The following PACRG variants were observed in gnomAD, a reference collection of about 807,000 sequenced individuals.
The protein encoded by PACRG is parkin coregulated gene protein.
Under a neutral mutation model 29.7 loss-of-function variants are expected in PACRG, and 29 were observed. The ratio of observed to expected loss-of-function variants is 0.98; its 90% CI spans 0.73 to 1.33. The LOEUF (loss-of-function observed/expected upper bound fraction) is 1.33, where lower values mean the gene tolerates loss of function less well. Ranked by LOEUF, PACRG falls within the 40% of genes most tolerant of loss-of-function variation. The pLI is 0.00. For missense variants in PACRG, 279 were observed against 316.2 expected (o/e 0.88, Z 0.89); for synonymous variants, 116 against 118.7 (o/e 0.98, Z 0.15).
rs902458387 is a variant in PACRG, at chr6:162,777,727, A to G, written c.157-36420A>G. 6.6e-6 allele frequency among the ~76,000 whole-genome samples: 1 copy of G among 152,142 alleles called. No individual in the cohort carries two copies. Among genetic ancestry groups the G allele is most frequent in the African/African-American group, 2.4e-5 (1 of 41,430 alleles). ...GATGCATTTAAAGTTTAATATTAAC[A>G]TATTCTGGAGCATCTTAAGGAAGAC... is the stretch of plus-strand genomic sequence containing the variant. On this transcript the variant is annotated intron_variant, in intron 1 of 4. Coordinates refer to ENST00000366888, the MANE Select transcript of PACRG (RefSeq NM_001080379.2). This position sits in a 1 kb window ranked among gnomAD's most constrained non-coding sequence, Gnocchi z 4.0.
At chr6:162,755,803 A>C (rs137877754) in intron 1 of PACRG, among the ~76,000 whole-genome samples, 1,579 of 152,208 alleles carry the variant, frequency 0.01, 34 homozygotes, top group African/African-American at 0.035. Flanking sequence ...CTTTTGCTTC[A>C]TTCCATACGT....
intron 1 of PACRG, among the ~76,000 whole-genome samples, chr6:162,802,706 T>C (rs1785979312): frequency 6.6e-6 from 1 of 152,136 alleles, no homozygotes; most frequent in African/African-American, 2.4e-5. Context: ...TTCCACCTCA[T>C]CATGTCACTA....
At chr6:162,954,264 A>AAG (rs1799860438) in intron 2 of PACRG, among the ~76,000 whole-genome samples, 1 of 152,252 alleles carries the variant, frequency 6.6e-6, no homozygotes, top group African/African-American at 2.4e-5. Context: ...TAGTTGCATT[A>AAG]GAAAACAGAA....
intron 2 of PACRG, among the ~76,000 whole-genome samples, chr6:162,979,387 C>G (rs1386067059): frequency 6.6e-6 from 1 of 152,144 alleles, no homozygotes; most frequent in Non-Finnish European, 1.5e-5. Context: ...ATTTTTCTTG[C>G]ACTGCGTTGA....
At chr6:163,223,547 T>C (rs1317113390) in intron 4 of PACRG, among the ~76,000 whole-genome samples, 1 of 152,212 alleles carries the variant, frequency 6.6e-6, no homozygotes, top group African/African-American at 2.4e-5. Context: ...TAGTAGAAGC[T>C]TGCATTCTAA....
At chr6:163,050,443 T>TA (rs1459953720) in intron 2 of PACRG, among the ~76,000 whole-genome samples, 2 of 152,124 alleles carry the variant, frequency 1.3e-5, no homozygotes, top group Non-Finnish European at 2.9e-5. Context: ...ATTGATGATT[T>TA]AAAAAACTCA....
chr6:163,085,487 A>G (rs887148624), intron 3 of PACRG, among the ~76,000 whole-genome samples: 3 of 152,202 alleles, frequency 2.0e-5, no homozygotes, highest in African/African-American at 7.2e-5. Context: ...ATGCACCTCC[A>G]TACTCCTCTC....
At chr6:163,284,162 T>C (rs1399484670) in intron 4 of PACRG, among the ~76,000 whole-genome samples, 1 of 152,248 alleles carries the variant, frequency 6.6e-6, no homozygotes, top group African/African-American at 2.4e-5. Flanking sequence ...TTTTGAATTT[T>C]TAATTATTGC....
chr6:163,061,713 T>C (rs2128263174), intron 2 of PACRG, among the ~76,000 whole-genome samples: 1 of 152,354 alleles, frequency 6.6e-6, no homozygotes, highest in South Asian at 2.1e-4. Flanking sequence ...CGTATGAACA[T>C]GCACTTCTGT....
At chr6:163,142,335 G>A (rs917586070) in intron 4 of PACRG, among the ~76,000 whole-genome samples, 2 of 151,870 alleles carry the variant, frequency 1.3e-5, no homozygotes, top group Admixed American at 1.3e-4. Context: ...AAAGTCACAA[G>A]TAAACAGTAA....
chr6:163,225,521 G>T (rs1259591894), intron 4 of PACRG, among the ~76,000 whole-genome samples: 1 of 152,188 alleles, frequency 6.6e-6, no homozygotes, highest in African/African-American at 2.4e-5. Context: ...CCAGTCTCAG[G>T]TAGTATCTTT....
At chr6:163,218,620 T>C (rs1347565804) in intron 4 of PACRG, among the ~76,000 whole-genome samples, 1 of 152,156 alleles carries the variant, frequency 6.6e-6, no homozygotes, top group East Asian at 1.9e-4. Context: ...CTGTTCTTTG[T>C]CCTCCTCTTA....
intron 2 of PACRG, among the ~76,000 whole-genome samples, chr6:163,010,796 G>A (rs1299525935): frequency 6.6e-6 from 1 of 152,192 alleles, no homozygotes; most frequent in African/African-American, 2.4e-5. Context: ...CGGATATAAA[G>A]GTGTGTTCTC....
At chr6:162,770,736 A>C (rs1263696933) in intron 1 of PACRG, among the ~76,000 whole-genome samples, 1 of 152,178 alleles carries the variant, frequency 6.6e-6, no homozygotes, top group Non-Finnish European at 1.5e-5. Context: ...AATGAGCTAA[A>C]TAATAAGAAA....
chr6:163,069,690 T>A (rs571645037), intron 3 of PACRG, among the ~76,000 whole-genome samples: 5 of 152,060 alleles, frequency 3.3e-5, no homozygotes, highest in Non-Finnish European at 7.4e-5. Context: ...GCGGAAAATC[T>A]AAGAGTTATT....
intron 1 of PACRG, among the ~76,000 whole-genome samples, chr6:162,758,292 A>G (rs2128287616): frequency 1.3e-5 from 2 of 152,274 alleles, no homozygotes; most frequent in South Asian, 4.1e-4. Flanking sequence ...TCTAGACTCT[A>G]GTGATATATA....
At chr6:162,902,306 T>A (rs1345025668) in intron 2 of PACRG, among the ~76,000 whole-genome samples, 1 of 152,262 alleles carries the variant, frequency 6.6e-6, no homozygotes, top group African/African-American at 2.4e-5. Context: ...TTGGATGCTC[T>A]AAAGAGTAAT....
chr6:162,924,368 A>G (rs1391739224), intron 2 of PACRG, among the ~76,000 whole-genome samples: 1 of 151,946 alleles, frequency 6.6e-6, no homozygotes, highest in African/African-American at 2.4e-5. Flanking sequence ...TCCAATTTGA[A>G]TGTCCTTTAT....
At chr6:163,043,839 G>A (rs2764004) in intron 2 of PACRG, among the ~76,000 whole-genome samples, 65,014 of 152,020 alleles carry the variant, frequency 0.43, 15,342 homozygotes, top group East Asian at 0.68. Flanking sequence ...ATTATAGGCC[G>A]TAAGTTCTGT....
Sources: gnomAD v4.1 joint callset for allele counts (sites outside exome capture counted in the v4.1 genomes callset) on GRCh38, gnomAD v4.1.1 for gene constraint, Gnocchi (gnomAD v3.1) non-coding constraint, MANE v1.5 for transcripts, NCBI Gene and HGNC (gene_info 2026-07-23, HGNC 2026-07-21) for gene names.